The following KNTC1 variants were observed in gnomAD, a reference collection of about 807,000 sequenced individuals.
The protein encoded by KNTC1 is kinetochore-associated protein 1.
In KNTC1, 253 loss-of-function variants were observed where a neutral mutation model predicts 314.4. That is an observed-to-expected ratio of 0.80 (90% CI 0.73 to 0.89). KNTC1 has a LOEUF of 0.89. KNTC1 is among the 40% of genes least tolerant of loss of function. The probability of loss-of-function intolerance (pLI) is 0.00; values close to 1 mark genes in which losing one functional copy is unlikely to be tolerated. For synonymous variants in KNTC1, 901 were observed against 901.4 expected (o/e 1.00, Z 0.01); for missense variants, 2,475 against 2,572.9 (o/e 0.96, Z 0.82).
Position 122,603,262 on chromosome 12 carries a change from A to T in KNTC1, c.5101+19A>T. The T allele has an allele frequency of 6.7e-7, 1 of 1,494,384 alleles. No homozygotes were observed. The allele number at this position is 1,494,384 out of a possible 1,614,324, so 92.6% of individuals were successfully genotyped here. A position where few individuals can be genotyped will look rare whatever the true frequency, so the allele number is the denominator to read the frequency against. On this transcript the variant is annotated intron_variant, in intron 48 of 63. Transcript: ENST00000333479. ...CCTGAAGGTATGAGCTCTTCTTTTA[A>T]AATTGTAGTTAAAAAAAAAAAAAAA...
chr12:122,617,318 G>A, intron 57 of KNTC1: 1 of 383,970 alleles, frequency 2.6e-6, no homozygotes, highest in Non-Finnish European at 5.3e-6. Flanking sequence ...TCCAGAATAT[G>A]TGGTAAAATA....
chr12:122,611,797 A>G (rs994238312), intron 53 of KNTC1: 2 of 152,166 alleles, frequency 1.3e-5, no homozygotes, highest in Non-Finnish European at 1.5e-5. Flanking sequence ...ATCCTCCTAT[A>G]TACCTTAAAT....
At chr12:122,547,994 T>A in intron 12 of KNTC1, 25 bp downstream of exon 12, 1 of 1,451,470 alleles carries the variant, frequency 6.9e-7, no homozygotes, top group African/African-American at 1.4e-5. Flanking sequence ...TATTTTGTGC[T>A]TGCCTATATT....
chr12:122,620,349 C>A, intron 59 of KNTC1, 130 bp from the exon 60 acceptor site: 1 of 713,724 alleles, frequency 1.4e-6, no homozygotes, highest in Non-Finnish European at 2.3e-6. Flanking sequence ...AAGCATATGT[C>A]ATGCACCAGC....
intron 57 of KNTC1, 73 bp from the exon 58 acceptor site, chr12:122,618,270 C>T: frequency 1.5e-6 from 2 of 1,367,862 alleles, no homozygotes; most frequent in Non-Finnish European, 2.1e-6. Flanking sequence ...CCGCGCCTGG[C>T]CTAGACTGCA....
At chr12:122,555,268 C>T (rs1034894340) in intron 16 of KNTC1, among the ~76,000 whole-genome samples, 5 of 152,146 alleles carry the variant, frequency 3.3e-5, no homozygotes, top group African/African-American at 4.8e-5. Context: ...ATCATATATA[C>T]TTGGCCGGGT....
At chr12:122,584,009 C>T (rs1868844836) in intron 34 of KNTC1, among the ~76,000 whole-genome samples, 1 of 152,094 alleles carries the variant, frequency 6.6e-6, no homozygotes, top group Admixed American at 6.6e-5. Context: ...CCTGTAGTCT[C>T]AGCTACTTGG....
chr12:122,563,857 A>G lies in KNTC1; in HGVS notation c.1604+1158A>G, dbSNP rs568402610. On this transcript the variant is annotated intron_variant, in intron 20 of 63. Coordinates refer to ENST00000333479, the MANE Select transcript of KNTC1 (RefSeq NM_014708.6). ...AACAGAAGGAGACAGTCTTCACTCT[A>G]TAAACAGGGTTTGAAAGGAAGAAAA... 5.8e-5 allele frequency: 80 copies of G among 1,385,530 alleles called. 1 individual carries two copies. The South Asian group carries it at 1.4e-3, about 25-fold the overall frequency. 85.8% of individuals were successfully genotyped at this position (1,385,530 alleles called of 1,614,324 possible).
At chr12:122,541,109 A>G (rs1318220442) in intron 5 of KNTC1, among the ~76,000 whole-genome samples, 2 of 152,020 alleles carry the variant, frequency 1.3e-5, no homozygotes, top group Non-Finnish European at 2.9e-5. Flanking sequence ...GTGAGCTGCG[A>G]TCGCTGCACT....
At chr12:122,599,029 A>G (rs1251333268) in intron 44 of KNTC1, among the ~76,000 whole-genome samples, 4 of 152,018 alleles carry the variant, frequency 2.6e-5, no homozygotes, top group African/African-American at 9.7e-5. Context: ...TTTTGTGCAG[A>G]TGAATCTCAC....
chr12:122,536,682 G>T (rs1418437798), intron 3 of KNTC1, among the ~76,000 whole-genome samples: 1 of 151,416 alleles, frequency 6.6e-6, no homozygotes, highest in Non-Finnish European at 1.5e-5. Context: ...ACCATGCCTG[G>T]TAATTTTTGT....
intron 12 of KNTC1, among the ~76,000 whole-genome samples, chr12:122,549,388 T>C (rs996914111): frequency 1.3e-5 from 2 of 151,586 alleles, no homozygotes; most frequent in African/African-American, 2.4e-5. Context: ...GTCGCTCTGT[T>C]GCCCAGGCCG....
At chr12:122,568,939 C>T (rs1053286920) in intron 21 of KNTC1, among the ~76,000 whole-genome samples, 2 of 152,040 alleles carry the variant, frequency 1.3e-5, no homozygotes, top group African/African-American at 4.8e-5. Context: ...TTATTTTATC[C>T]AATCATTAAG....
chr12:122,530,096 T>A lies in KNTC1; in HGVS notation c.33T>A (p.Asp11Glu), dbSNP rs75209631. 1.1e-4 allele frequency: 179 copies of A among 1,613,856 alleles called. No homozygotes were observed. In the East Asian group the frequency reaches 3.9e-3, roughly 35 times the overall value. Residue 11 changes from aspartate to glutamate, a missense_variant, in exon 2 of 64, where the codon GAT (aspartate) becomes GAA (glutamate). Transcript: ENST00000333479. ...ATGATATTGAGCTGCTAACAAATGATGATACCGGAAGTGGGTACCTGAGTG... is the reference window on the plus strand; with the variant it reads ...ATGATATTGAGCTGCTAACAAATGAAGATACCGGAAGTGGGTACCTGAGTG... Reference protein sequence around the residue: MWNDIELLTNDDTGSGYLSVG... With the variant: MWNDIELLTNEDTGSGYLSVG...
chr12:122,574,502 C>G (rs934589664), intron 27 of KNTC1, 122 bp downstream of exon 27: 2 of 622,850 alleles, frequency 3.2e-6, no homozygotes, highest in Non-Finnish European at 2.8e-6. Context: ...GCTGTGTCGC[C>G]CAGGCTGGAA....
chr12:122,550,402 T>C (rs1325196899), intron 13 of KNTC1, among the ~76,000 whole-genome samples: 1 of 152,146 alleles, frequency 6.6e-6, no homozygotes, highest in Non-Finnish European at 1.5e-5. Flanking sequence ...TAAACTCTTC[T>C]AGATTTAAAT....
chr12:122,550,728 C>T (rs946562766), intron 13 of KNTC1, among the ~76,000 whole-genome samples: 1 of 152,088 alleles, frequency 6.6e-6, no homozygotes, highest in Non-Finnish European at 1.5e-5. Flanking sequence ...GACTCAAGCT[C>T]CTGAGCTCAA....
At chr12:122,568,565 G>T (rs919310035) in intron 21 of KNTC1, among the ~76,000 whole-genome samples, 193 bp downstream of exon 21, 1 of 152,198 alleles carries the variant, frequency 6.6e-6, no homozygotes, top group Admixed American at 6.5e-5. Context: ...GGCTGGGCGC[G>T]ATGGCTCACG....
At chr12:122,580,100 T>G in intron 32 of KNTC1, 123 bp downstream of exon 32, 4 of 653,436 alleles carry the variant, frequency 6.1e-6, no homozygotes, top group Non-Finnish European at 1.1e-5. Context: ...TCTTTATTGA[T>G]CTTACCCATT....
Sources: gnomAD v4.1 joint callset for allele counts (sites outside exome capture counted in the v4.1 genomes callset) on GRCh38, gnomAD v4.1.1 for gene constraint, MANE v1.5 for transcripts, NCBI Gene and HGNC (gene_info 2026-07-23, HGNC 2026-07-21) for gene names.